Variants in CTNND2 observed in about 807,000 individuals in gnomAD.
CTNND2 encodes catenin delta-2.
Under a neutral mutation model 144.4 loss-of-function variants are expected in CTNND2, and 22 were observed. That is an observed-to-expected ratio of 0.15 (90% CI 0.11 to 0.22). The LOEUF (loss-of-function observed/expected upper bound fraction) is 0.22. CTNND2 is among the 10% of genes least tolerant of loss of function. CTNND2 has a pLI of 1.00. For missense variants in CTNND2, 1,353 were observed against 1,618.8 expected (o/e 0.84, Z 2.82); for synonymous variants, 751 against 695.6 (o/e 1.08, Z -1.25).
chr5:11,203,835 T>C (rs1252912842), intron 10 of CTNND2, among the ~76,000 whole-genome samples: 2 of 152,238 alleles, frequency 1.3e-5, no homozygotes, highest in East Asian at 3.8e-4. Context: ...ACAATGAATG[T>C]TGAATTACAT....
chr5:11,411,948 C>T (rs2149838265), intron 4 of CTNND2, 87 bp downstream of exon 4: 4 of 1,072,768 alleles, frequency 3.7e-6, no homozygotes, highest in Non-Finnish European at 5.7e-6. Context: ...TATTACTTTT[C>T]TAAGTCTCAT....
intron 21 of CTNND2, among the ~76,000 whole-genome samples, chr5:10,980,896 G>T (rs1245365471): frequency 6.6e-6 from 1 of 152,096 alleles, no homozygotes; most frequent in Non-Finnish European, 1.5e-5. Flanking sequence ...GCCTGCTGGG[G>T]GTCAGGGGCT....
chr5:11,165,309 C>G (rs1216158046), intron 11 of CTNND2, among the ~76,000 whole-genome samples: 4 of 152,108 alleles, frequency 2.6e-5, no homozygotes, highest in Middle Eastern at 6.3e-3. Context: ...GGGTAATTTT[C>G]TTATATTAAC....
intron 7 of CTNND2, among the ~76,000 whole-genome samples, chr5:11,374,161 G>T (rs377649004): frequency 7.9e-5 from 12 of 152,258 alleles, no homozygotes; most frequent in African/African-American, 2.6e-4. Flanking sequence ...AGTCCTGACT[G>T]AAGCTAGGGA....
intron 11 of CTNND2, among the ~76,000 whole-genome samples, chr5:11,192,901 T>TG (rs1736454466): frequency 1.3e-5 from 2 of 152,162 alleles, no homozygotes; most frequent in East Asian, 3.8e-4. Flanking sequence ...GCAAACCTGG[T>TG]GAGGGCTGGC....
intron 3 of CTNND2, among the ~76,000 whole-genome samples, chr5:11,452,637 C>G (rs1312637665): frequency 6.6e-6 from 1 of 152,076 alleles, no homozygotes; most frequent in Non-Finnish European, 1.5e-5. Flanking sequence ...TAAGATTGTT[C>G]AAGATTCTTT....
At chr5:11,152,460 C>T (rs1757826868) in intron 12 of CTNND2, among the ~76,000 whole-genome samples, 1 of 152,166 alleles carries the variant, frequency 6.6e-6, no homozygotes, top group Non-Finnish European at 1.5e-5. Context: ...TAAGCTATAA[C>T]GTCTAGGTTT....
chr5:11,193,661 A>C (rs1358717622), intron 11 of CTNND2, among the ~76,000 whole-genome samples: 1 of 152,138 alleles, frequency 6.6e-6, no homozygotes, highest in African/African-American at 2.4e-5. Flanking sequence ...ATCCCCAAAA[A>C]GTGCCATCAA....
At chr5:11,833,907 A>G (rs1794040266) in intron 1 of CTNND2, among the ~76,000 whole-genome samples, 1 of 152,238 alleles carries the variant, frequency 6.6e-6, no homozygotes, top group African/African-American at 2.4e-5. Flanking sequence ...AAACCAAAAC[A>G]ATTGAGCCTT....
intron 2 of CTNND2, among the ~76,000 whole-genome samples, chr5:11,707,940 TC>T (rs1785798274): frequency 3.3e-5 from 5 of 152,212 alleles, no homozygotes; most frequent in Non-Finnish European, 7.3e-5. Context: ...AACTTTCCAC[TC>T]CTAAATTTCT....
At chr5:11,788,216 T>C (rs893624980) in intron 1 of CTNND2, among the ~76,000 whole-genome samples, 2 of 152,160 alleles carry the variant, frequency 1.3e-5, no homozygotes, top group African/African-American at 4.8e-5. Flanking sequence ...TATTCAGGAC[T>C]CAAGACTTTC....
At chr5:11,514,776 C>T (rs1003869905) in intron 3 of CTNND2, among the ~76,000 whole-genome samples, 28 of 152,154 alleles carry the variant, frequency 1.8e-4, no homozygotes, top group African/African-American at 6.0e-4. Context: ...CATGTGCATG[C>T]ACCCCATTCC....
At chr5:11,158,519 T>C (rs1198507415) in intron 12 of CTNND2, among the ~76,000 whole-genome samples, 2 of 152,182 alleles carry the variant, frequency 1.3e-5, no homozygotes, top group Admixed American at 6.5e-5. Flanking sequence ...CATGAACGCA[T>C]GTAGATATTC....
At chr5:11,476,127 T>G (rs1767723195) in intron 3 of CTNND2, among the ~76,000 whole-genome samples, 1 of 151,546 alleles carries the variant, frequency 6.6e-6, no homozygotes, top group Admixed American at 6.6e-5. Flanking sequence ...CACCTCGGCA[T>G]CCCAAAGTGC....
chr5:11,381,095 A>T (rs1304387011), intron 7 of CTNND2, among the ~76,000 whole-genome samples: 1 of 152,136 alleles, frequency 6.6e-6, no homozygotes, highest in African/African-American at 2.4e-5. Context: ...CACCTAGTGC[A>T]TGAGAAAATC....
intron 1 of CTNND2, among the ~76,000 whole-genome samples, chr5:11,767,241 A>G (rs764686038): frequency 3.3e-5 from 5 of 152,232 alleles, no homozygotes. Context: ...GCAGCTGTGT[A>G]TGGTAGCTCC....
At chr5:11,010,866 T>A (rs535447197) in intron 18 of CTNND2, among the ~76,000 whole-genome samples, 9 of 152,394 alleles carry the variant, frequency 5.9e-5, no homozygotes, top group Non-Finnish European at 1.2e-4. Context: ...GTCTATCTTC[T>A]CTGACAATAA....
At chr5:11,278,502 C>T (rs779092908) in intron 9 of CTNND2, among the ~76,000 whole-genome samples, 1 of 152,006 alleles carries the variant, frequency 6.6e-6, no homozygotes, top group Non-Finnish European at 1.5e-5. Context: ...AGGGGACAAG[C>T]ACAAAAATGA....
At chr5:11,372,585 T>C (rs1396195312) in intron 7 of CTNND2, among the ~76,000 whole-genome samples, 1 of 152,084 alleles carries the variant, frequency 6.6e-6, no homozygotes, top group Non-Finnish European at 1.5e-5. Flanking sequence ...TAGTAAAACA[T>C]ATGAAGTACA....
Sources: allele counts gnomAD v4.1 joint callset (sites outside exome capture counted in the v4.1 genomes callset), GRCh38; gene constraint gnomAD v4.1.1; transcripts MANE v1.5; gene names NCBI Gene and HGNC (gene_info 2026-07-23, HGNC 2026-07-21).